CTNNA2: variants seen among roughly 807,000 people sequenced by gnomAD.
The protein encoded by CTNNA2 is catenin alpha 2, also known as catenin alpha-2.
Under a neutral mutation model 101.0 loss-of-function variants are expected in CTNNA2, and 42 were observed. The ratio of observed to expected loss-of-function variants is 0.42; its 90% CI spans 0.32 to 0.54. The LOEUF is 0.54. Ranked by LOEUF, CTNNA2 falls within the 20% of genes least tolerant of loss-of-function variation. The pLI is 0.14. For synonymous variants in CTNNA2, 450 were observed against 456.4 expected, an observed-to-expected ratio of 0.99 and a Z score of 0.18; for missense variants, 871 against 1,223.1, an observed-to-expected ratio of 0.71 and a Z score of 4.29.
At chr2:80,449,631 T>G (rs1284763117) in intron 9 of CTNNA2, among the ~76,000 whole-genome samples, 1 of 152,230 alleles carries the variant, frequency 6.6e-6, no homozygotes, top group East Asian at 1.9e-4. Flanking sequence ...AATTCAAAAC[T>G]TGTAGTTTCT....
intron 2 of CTNNA2, among the ~76,000 whole-genome samples, chr2:79,708,968 G>A (rs1411598979): frequency 6.6e-6 from 1 of 152,148 alleles, no homozygotes; most frequent in Non-Finnish European, 1.5e-5. Flanking sequence ...AACAATTTGA[G>A]GAGAGTCCTT....
intron 9 of CTNNA2, among the ~76,000 whole-genome samples, chr2:80,512,261 T>C (rs956322575): frequency 6.6e-5 from 10 of 150,448 alleles, no homozygotes; most frequent in Non-Finnish European, 1.5e-4. Context: ...AATATACAAA[T>C]AAATAGTCTT....
At chr2:80,352,453 C>G (rs1673387838) in intron 7 of CTNNA2, among the ~76,000 whole-genome samples, 1 of 152,142 alleles carries the variant, frequency 6.6e-6, no homozygotes, top group Admixed American at 6.6e-5. Context: ...GTAAACTCAA[C>G]TATAGTTGGT....
intron 7 of CTNNA2, among the ~76,000 whole-genome samples, chr2:80,179,761 A>C (rs1705649120): frequency 6.6e-6 from 1 of 152,146 alleles, no homozygotes; most frequent in South Asian, 2.1e-4. Flanking sequence ...TTTTTGATTT[A>C]CTATCTTTCT....
At chr2:79,856,005 T>A (rs1198911649) in intron 3 of CTNNA2, among the ~76,000 whole-genome samples, 2 of 152,184 alleles carry the variant, frequency 1.3e-5, no homozygotes, top group East Asian at 3.9e-4. Context: ...AGGAGATGTA[T>A]GTAACCCTGT....
intron 7 of CTNNA2, among the ~76,000 whole-genome samples, chr2:80,123,972 G>A (rs1370816855): frequency 6.6e-6 from 1 of 152,202 alleles, no homozygotes; most frequent in African/African-American, 2.4e-5. Context: ...GCACAGCCCA[G>A]CAGGGGCTGT....
intron 7 of CTNNA2, among the ~76,000 whole-genome samples, chr2:80,137,615 G>A (rs533581253): frequency 4.5e-4 from 68 of 152,102 alleles, no homozygotes; most frequent in Non-Finnish European, 7.9e-4. Flanking sequence ...GCACTGGAAA[G>A]GTGCTCTCAG....
chr2:79,943,740 T>C (rs1443891323), intron 7 of CTNNA2, among the ~76,000 whole-genome samples: 2 of 152,352 alleles, frequency 1.3e-5, no homozygotes, highest in East Asian at 1.9e-4. Context: ...AAAGGCTTTA[T>C]AAATAAAAGA....
At chr2:80,606,467 A>G (rs138449873) in intron 16 of CTNNA2, among the ~76,000 whole-genome samples, 28 of 151,540 alleles carry the variant, frequency 1.8e-4, no homozygotes, top group African/African-American at 6.3e-4. Context: ...AAATGCTACT[A>G]TTTCACAGTG....
chr2:80,430,977 A>C (rs1681443362), intron 9 of CTNNA2, among the ~76,000 whole-genome samples: 1 of 152,196 alleles, frequency 6.6e-6, no homozygotes, highest in Admixed American at 6.6e-5. Context: ...CTTCAATGCA[A>C]AAATAAAAAA....
intron 4 of CTNNA2, among the ~76,000 whole-genome samples, chr2:79,439,143 A>G (rs1678750374): frequency 6.6e-6 from 1 of 152,240 alleles, no homozygotes; most frequent in Admixed American, 6.5e-5. Context: ...CATTATTCAC[A>G]ACAACTGAAA....
intron 2 of CTNNA2, among the ~76,000 whole-genome samples, chr2:79,667,752 C>T (rs1303257846): frequency 6.6e-6 from 1 of 152,116 alleles, no homozygotes; most frequent in Non-Finnish European, 1.5e-5. Flanking sequence ...CATAATCAAT[C>T]CTAGCATACT....
chr2:80,523,706 C>G (rs1471665614), intron 9 of CTNNA2, among the ~76,000 whole-genome samples: 1 of 152,108 alleles, frequency 6.6e-6, no homozygotes, highest in Non-Finnish European at 1.5e-5. Flanking sequence ...CTGTTGTGTT[C>G]TCAGTATATT....
At chr2:80,609,213 T>C in intron 17 of CTNNA2, among the ~76,000 whole-genome samples, 1 of 151,820 alleles carries the variant, frequency 6.6e-6, no homozygotes, top group East Asian at 1.9e-4. Flanking sequence ...GAATACCTTA[T>C]GAAAATCAGA....
At chr2:79,721,765 A>G (rs1234829241) in intron 2 of CTNNA2, among the ~76,000 whole-genome samples, 1 of 152,220 alleles carries the variant, frequency 6.6e-6, no homozygotes, top group African/African-American at 2.4e-5. Context: ...TGGTTCTCAA[A>G]TCAGAGGAAG....
chr2:80,501,801 C>T (rs1431566111), intron 9 of CTNNA2, among the ~76,000 whole-genome samples: 1 of 152,134 alleles, frequency 6.6e-6, no homozygotes, highest in Non-Finnish European at 1.5e-5. Context: ...TTACAAGAGA[C>T]CATCCATCCT....
intron 9 of CTNNA2, 93 bp downstream of exon 9, chr2:80,419,694 T>C: frequency 7.6e-7 from 1 of 1,323,360 alleles, no homozygotes; most frequent in South Asian, 1.5e-5. Context: ...TATTCTATTG[T>C]ATTTTTGGAG....
chr2:79,398,268 G>C (rs779936397), intron 4 of CTNNA2, among the ~76,000 whole-genome samples: 8 of 152,090 alleles, frequency 5.3e-5, no homozygotes, highest in Non-Finnish European at 7.4e-5. Context: ...ACTATGATTT[G>C]TCTGTATGCC....
intron 7 of CTNNA2, among the ~76,000 whole-genome samples, chr2:80,387,244 G>T (rs141067503): frequency 0.018 from 2,686 of 152,068 alleles, 77 homozygotes; most frequent in African/African-American, 0.06. Context: ...AGCCGAGATT[G>T]TGCCACTGCA....
Sources: gnomAD v4.1 joint callset for allele counts (sites outside exome capture counted in the v4.1 genomes callset) on GRCh38, gnomAD v4.1.1 for gene constraint, MANE v1.5 for transcripts, NCBI Gene and HGNC (gene_info 2026-07-23, HGNC 2026-07-21) for gene names.